FHIT: variants seen among roughly 807,000 people sequenced by gnomAD.
FHIT encodes fragile histidine triad diadenosine triphosphatase.
FHIT carries 19 observed loss-of-function variants against 17.9 expected under a neutral mutation model. The ratio of observed to expected loss-of-function variants is 1.06; its 90% CI spans 0.74 to 1.56. The LOEUF (loss-of-function observed/expected upper bound fraction) is 1.56, where lower values mean the gene tolerates loss of function less well. FHIT is among the 40% of genes most tolerant of loss of function. FHIT has a pLI of 0.00. For synonymous variants in FHIT, 81 were observed against 69.7 expected (o/e 1.16, Z -0.81); for missense variants, 248 against 189.2 (o/e 1.31, Z -1.82).
At chr3:61,231,386 C>T (rs960991961) in intron 1 of FHIT, among the ~76,000 whole-genome samples, 2 of 151,542 alleles carry the variant, frequency 1.3e-5, no homozygotes, top group African/African-American at 2.4e-5. Context: ...TCCAGCTACT[C>T]GGGAGGCTGA....
At chr3:59,786,701 T>C (rs1356787163) in intron 8 of FHIT, among the ~76,000 whole-genome samples, 1 of 152,248 alleles carries the variant, frequency 6.6e-6, no homozygotes, top group Non-Finnish European at 1.5e-5. Flanking sequence ...TTGCACAGCC[T>C]CTTGTTGGAA....
At chr3:61,093,783 G>A (rs187811283) in intron 2 of FHIT, among the ~76,000 whole-genome samples, 2 of 152,308 alleles carry the variant, frequency 1.3e-5, no homozygotes, top group Admixed American at 1.3e-4. Context: ...CATTACAGAT[G>A]CCCACTGCGT....
In FHIT at chr3:60,566,545, G is replaced by T. The variant is rs191716078; in HGVS notation, c.-17-29566C>A. Among the ~76,000 whole-genome samples the T allele has an allele frequency of 5.0e-3, 764 of 152,152 alleles. 21 individuals are homozygous for T. Among genetic ancestry groups the T allele is most frequent in the Admixed American group, 0.046 (703 of 15,276 alleles). ...CTGGAAGCATTCCCTTTGAAAACTG[G>T]CACAAGACAGGGATGCCCTCTCTCA... On this transcript the variant is annotated intron_variant, in intron 4 of 9. Transcript: ENST00000492590.
intron 5 of FHIT, among the ~76,000 whole-genome samples, chr3:60,035,893 C>G (rs1277118451): frequency 1.3e-5 from 2 of 152,204 alleles, no homozygotes; most frequent in South Asian, 2.1e-4. Flanking sequence ...GCAGTCCCAG[C>G]ATTTCAGAAG....
intron 5 of FHIT, among the ~76,000 whole-genome samples, chr3:60,211,699 G>A (rs144585085): frequency 1.3e-5 from 2 of 152,160 alleles, no homozygotes; most frequent in East Asian, 3.9e-4. Context: ...GAATTATGAT[G>A]GTATCATTAA....
chr3:60,364,358 C>CCT (rs1212505700), intron 5 of FHIT, among the ~76,000 whole-genome samples: 1 of 152,216 alleles, frequency 6.6e-6, no homozygotes, highest in African/African-American at 2.4e-5. Flanking sequence ...CCTTTGACCC[C>CCT]CTCCTTGCCA....
At chr3:59,785,486 T>G (rs1309240744) in intron 8 of FHIT, among the ~76,000 whole-genome samples, 1 of 152,034 alleles carries the variant, frequency 6.6e-6, no homozygotes, top group African/African-American at 2.4e-5. Context: ...ATTTTTGTAT[T>G]TTTTGGTAGA....
intron 2 of FHIT, among the ~76,000 whole-genome samples, chr3:61,056,179 A>G (rs1463432322): frequency 6.6e-6 from 1 of 152,152 alleles, no homozygotes; most frequent in East Asian, 1.9e-4. Flanking sequence ...CCCAGCTCTC[A>G]GGGAGGCAGA....
intron 8 of FHIT, among the ~76,000 whole-genome samples, chr3:59,899,701 C>G (rs1180663527): frequency 1.3e-5 from 2 of 151,620 alleles, no homozygotes; most frequent in East Asian, 1.9e-4. Flanking sequence ...AAAAAATTAG[C>G]TGGGTATGGC....
At chr3:60,092,376 A>G (rs1374946405) in intron 5 of FHIT, among the ~76,000 whole-genome samples, 1 of 152,176 alleles carries the variant, frequency 6.6e-6, no homozygotes, top group African/African-American at 2.4e-5. Flanking sequence ...AGAAATAATG[A>G]TCTGTTGCAA....
intron 4 of FHIT, among the ~76,000 whole-genome samples, chr3:60,658,804 A>C (rs2040175006): frequency 3.3e-5 from 5 of 152,106 alleles, no homozygotes; most frequent in Admixed American, 6.6e-5. Context: ...TTATTACAAT[A>C]ATACTAGCTT....
intron 1 of FHIT, among the ~76,000 whole-genome samples, chr3:61,202,191 G>C (rs543714739): frequency 1.3e-5 from 2 of 152,148 alleles, no homozygotes; most frequent in African/African-American, 2.4e-5. Flanking sequence ...TCTGGGAAGT[G>C]AGGAGCCCCT....
intron 3 of FHIT, among the ~76,000 whole-genome samples, chr3:60,831,272 C>G (rs1490698155): frequency 6.6e-6 from 1 of 152,108 alleles, no homozygotes; most frequent in Non-Finnish European, 1.5e-5. Flanking sequence ...GTAAGTTATT[C>G]CATAAAGCAA....
chr3:59,825,853 A>G (rs1700959352), intron 8 of FHIT, among the ~76,000 whole-genome samples: 1 of 152,204 alleles, frequency 6.6e-6, no homozygotes, highest in Admixed American at 6.5e-5. Context: ...GAATCCCAGC[A>G]CAGGAAATGT....
chr3:60,102,376 C>G (rs139767236), intron 5 of FHIT, among the ~76,000 whole-genome samples: 78 of 152,288 alleles, frequency 5.1e-4, no homozygotes, highest in Non-Finnish European at 5.7e-4. Context: ...AGACAAAGTT[C>G]AGGTGAGACA....
At chr3:59,835,165 T>C (rs1157283978) in intron 8 of FHIT, among the ~76,000 whole-genome samples, 1 of 152,190 alleles carries the variant, frequency 6.6e-6, no homozygotes, top group African/African-American at 2.4e-5. Context: ...CTGACTTATA[T>C]CAGCCTGGGC....
At chr3:60,172,985 T>G (rs543833973) in intron 5 of FHIT, among the ~76,000 whole-genome samples, 4 of 152,184 alleles carry the variant, frequency 2.6e-5, no homozygotes, top group Non-Finnish European at 5.9e-5. Flanking sequence ...ATAAAACACA[T>G]TCCCCCTATC....
intron 3 of FHIT, among the ~76,000 whole-genome samples, chr3:60,964,000 C>T (rs1161794329): frequency 6.6e-6 from 1 of 152,122 alleles, no homozygotes; most frequent in Non-Finnish European, 1.5e-5. Flanking sequence ...AACTTTCTGT[C>T]TCATTGATCT....
intron 4 of FHIT, among the ~76,000 whole-genome samples, chr3:60,645,350 G>A (rs1553686477): frequency 6.6e-6 from 1 of 152,166 alleles, no homozygotes; most frequent in Non-Finnish European, 1.5e-5. Context: ...GTTTCAGGGT[G>A]AGTCTCAAAT....
Sources: allele counts gnomAD v4.1 joint callset (sites outside exome capture counted in the v4.1 genomes callset), GRCh38; gene constraint gnomAD v4.1.1; transcripts MANE v1.5; gene names NCBI Gene and HGNC (gene_info 2026-07-23, HGNC 2026-07-21).